PRR16: variants seen among roughly 807,000 people sequenced by gnomAD.
The protein encoded by PRR16 is proline rich 16.
In PRR16, 6 loss-of-function variants were observed where a neutral mutation model predicts 18.2. The observed-to-expected ratio is 0.33, with a 90% CI of 0.18 to 0.65. The LOEUF (loss-of-function observed/expected upper bound fraction) is 0.65. PRR16 is among the 30% of genes least tolerant of loss of function. The pLI, the probability that PRR16 is intolerant of heterozygous loss-of-function variation, is 0.74. For synonymous variants in PRR16, 151 were observed against 147.8 expected (o/e 1.02, Z -0.16); for missense variants, 412 against 376.6 (o/e 1.09, Z -0.78).
At chr5:120,628,720 A>G (rs1410165984) in intron 1 of PRR16, among the ~76,000 whole-genome samples, 2 of 151,036 alleles carry the variant, frequency 1.3e-5, no homozygotes, top group South Asian at 2.1e-4. Flanking sequence ...CTATCTATCT[A>G]TCTATCTATC....
chr5:120,765,199 AC>A, the PRR16 span, among the ~76,000 whole-genome samples: 1 of 152,090 alleles, frequency 6.6e-6, no homozygotes, highest in Admixed American at 6.6e-5. Context: ...CAATTGCATG[AC>A]CAGAAAATAA....
At chr5:120,758,345 G>A in the PRR16 span, among the ~76,000 whole-genome samples, 1 of 146,818 alleles carries the variant, frequency 6.8e-6, no homozygotes, top group Non-Finnish European at 1.5e-5. Flanking sequence ...GGCCCCATAT[G>A]CATCAGCTCT....
At chr5:120,776,916 GT>G in the PRR16 span, among the ~76,000 whole-genome samples, 1 of 152,098 alleles carries the variant, frequency 6.6e-6, no homozygotes, top group Non-Finnish European at 1.5e-5. Flanking sequence ...GAATGTAGGG[GT>G]TTACAGGCTT....
chr5:120,734,763 T>A, the PRR16 span, among the ~76,000 whole-genome samples: 6 of 152,236 alleles, frequency 3.9e-5, no homozygotes, highest in East Asian at 1.2e-3. Flanking sequence ...GAAATATTTA[T>A]CTTCCCAAGT....
At chr5:120,586,183 A>T (rs908097435) in intron 1 of PRR16, among the ~76,000 whole-genome samples, 1 of 151,940 alleles carries the variant, frequency 6.6e-6, no homozygotes, top group Admixed American at 6.6e-5. Flanking sequence ...AAAAAAAAAA[A>T]ATATGTTTTT....
intron 1 of PRR16, among the ~76,000 whole-genome samples, chr5:120,491,345 A>G (rs1329039020): frequency 6.6e-6 from 1 of 152,162 alleles, no homozygotes; most frequent in Non-Finnish European, 1.5e-5. Flanking sequence ...AATACTATTT[A>G]TAATATTTCT....
the PRR16 span, among the ~76,000 whole-genome samples, chr5:120,735,180 T>C: frequency 6.6e-6 from 1 of 152,240 alleles, no homozygotes; most frequent in Non-Finnish European, 1.5e-5. Context: ...GTTGTACCAC[T>C]TGACAGAATT....
At chr5:120,616,219 C>T (rs950681285) in intron 1 of PRR16, among the ~76,000 whole-genome samples, 1 of 152,074 alleles carries the variant, frequency 6.6e-6, no homozygotes, top group African/African-American at 2.4e-5. Flanking sequence ...ATTCATACCT[C>T]GTTTGAACAA....
chr5:120,612,877 T>G (rs1185516291), intron 1 of PRR16, among the ~76,000 whole-genome samples: 2 of 152,202 alleles, frequency 1.3e-5, no homozygotes, highest in African/African-American at 4.8e-5. Context: ...ATTTGAGTAT[T>G]AATGCATGTA....
chr5:120,496,244 G>A (rs1021439661), intron 1 of PRR16, among the ~76,000 whole-genome samples: 9 of 151,878 alleles, frequency 5.9e-5, no homozygotes, highest in Admixed American at 2.0e-4. Context: ...ACATTCCCAC[G>A]TCTTCTATTT....
At chr5:120,738,401 A>T in the PRR16 span, among the ~76,000 whole-genome samples, 22,603 of 151,910 alleles carry the variant, frequency 0.15, 2,540 homozygotes, top group African/African-American at 0.32. Flanking sequence ...TGAAAAAAAA[A>T]TTTTTTATTT....
At chr5:120,494,795 C>T (rs1380079363) in intron 1 of PRR16, among the ~76,000 whole-genome samples, 2 of 151,956 alleles carry the variant, frequency 1.3e-5, no homozygotes, top group Non-Finnish European at 2.9e-5. Flanking sequence ...TGAGGTGTGT[C>T]GTTTTGCTTA....
At chr5:120,473,015 C>G (rs1263189952) in intron 1 of PRR16, among the ~76,000 whole-genome samples, 1 of 152,112 alleles carries the variant, frequency 6.6e-6, no homozygotes, top group Non-Finnish European at 1.5e-5. Context: ...GTCACATTAA[C>G]ATGAATTATG....
intron 1 of PRR16, among the ~76,000 whole-genome samples, chr5:120,588,451 C>A (rs1243947598): frequency 1.3e-5 from 2 of 152,176 alleles, no homozygotes; most frequent in Non-Finnish European, 2.9e-5. Context: ...TAGCCCAACA[C>A]CACCCTGATT....
chr5:120,731,344 T>C, the PRR16 span, among the ~76,000 whole-genome samples: 1 of 152,200 alleles, frequency 6.6e-6, no homozygotes, highest in African/African-American at 2.4e-5. Flanking sequence ...TTGCATATAA[T>C]GATTGGGAGC....
intron 1 of PRR16, among the ~76,000 whole-genome samples, chr5:120,679,405 C>T (rs1756905146): frequency 6.6e-6 from 1 of 152,090 alleles, no homozygotes; most frequent in South Asian, 2.1e-4. Context: ...TTCTATCATG[C>T]CTGTGGTTAC....
intron 1 of PRR16, among the ~76,000 whole-genome samples, chr5:120,523,338 A>T (rs1333545165): frequency 6.6e-6 from 1 of 152,176 alleles, no homozygotes; most frequent in Non-Finnish European, 1.5e-5. Flanking sequence ...ATTTAGTTGT[A>T]GCCTATGGTA....
chr5:120,748,710 C>T, the PRR16 span, among the ~76,000 whole-genome samples: 1 of 151,924 alleles, frequency 6.6e-6, no homozygotes, highest in East Asian at 1.9e-4. Context: ...GGTAACATGT[C>T]AGGCAGATAG....
chr5:120,679,621 CT>C (rs1352678422), intron 1 of PRR16, among the ~76,000 whole-genome samples: 3 of 152,082 alleles, frequency 2.0e-5, no homozygotes, highest in African/African-American at 7.2e-5. Flanking sequence ...TATTTTATTT[CT>C]TTCTAAATAT....
Sources: gnomAD v4.1 joint callset for allele counts (sites outside exome capture counted in the v4.1 genomes callset) on GRCh38, gnomAD v4.1.1 for gene constraint, MANE v1.5 for transcripts, NCBI Gene and HGNC (gene_info 2026-07-23, HGNC 2026-07-21) for gene names.